KCNMA1: variants seen among roughly 807,000 people sequenced by gnomAD.
The protein encoded by KCNMA1 is Calcium-activated potassium channel subunit alpha-1.
In KCNMA1, 29 loss-of-function variants were observed where a neutral mutation model predicts 140.0. That is an observed-to-expected ratio of 0.21 (90% CI 0.15 to 0.28). KCNMA1 has a LOEUF of 0.28. Ranked by LOEUF, KCNMA1 falls within the 10% of genes least tolerant of loss-of-function variation. The pLI, the probability that KCNMA1 is intolerant of heterozygous loss-of-function variation, is 1.00. For missense variants in KCNMA1, 880 were observed against 1,602.2 expected, an observed-to-expected ratio of 0.55 and a Z score of 7.70; for synonymous variants, 612 against 611.9, an observed-to-expected ratio of 1.00 and a Z score of 0.00.
intron 3 of KCNMA1, among the ~76,000 whole-genome samples, chr10:77,203,001 G>T (rs2042935652): frequency 2.0e-5 from 3 of 152,194 alleles, no homozygotes; most frequent in Admixed American, 1.3e-4. Context: ...TATCCAGGAA[G>T]AGCCAATTCA....
At chr10:77,221,473 C>A (rs2049647748) in intron 3 of KCNMA1, among the ~76,000 whole-genome samples, 1 of 152,008 alleles carries the variant, frequency 6.6e-6, no homozygotes, top group Non-Finnish European at 1.5e-5. Context: ...TTTGATAGCA[C>A]AAGAGGGTGA....
intron 5 of KCNMA1, chr10:77,150,177 T>C (rs542946448): frequency 6.6e-6 from 1 of 152,348 alleles, no homozygotes; most frequent in Non-Finnish European, 1.5e-5. Context: ...CTCGCATTGT[T>C]GCTTATGCTG....
intron 25 of KCNMA1, among the ~76,000 whole-genome samples, chr10:76,907,625 A>C (rs999446541): frequency 8.6e-5 from 13 of 151,624 alleles, no homozygotes; most frequent in African/African-American, 3.2e-4. Flanking sequence ...AGCAACCTCC[A>C]CCTCCCAGGC....
At chr10:77,159,354 T>C (rs746982331) in intron 5 of KCNMA1, among the ~76,000 whole-genome samples, 4 of 152,176 alleles carry the variant, frequency 2.6e-5, no homozygotes, top group Non-Finnish European at 5.9e-5. Context: ...ATTTTTTTGT[T>C]AAATTACTAG....
At chr10:77,238,663 T>C (rs2056377468) in intron 3 of KCNMA1, among the ~76,000 whole-genome samples, 2 of 152,216 alleles carry the variant, frequency 1.3e-5, no homozygotes, top group Non-Finnish European at 2.9e-5. Context: ...TTGTATGTCA[T>C]GCAGGGAAAA....
chr10:76,913,371 T>C (rs2051179736), intron 24 of KCNMA1: 1 of 152,186 alleles, frequency 6.6e-6, no homozygotes, highest in Admixed American at 6.6e-5. Flanking sequence ...CCATTGTGAA[T>C]CTCCCAGAGA....
chr10:76,932,242 A>AT (rs1026521325), intron 23 of KCNMA1, among the ~76,000 whole-genome samples: 1 of 152,052 alleles, frequency 6.6e-6, no homozygotes, highest in Non-Finnish European at 1.5e-5. Flanking sequence ...GATTATCACC[A>AT]TTTTTTTCAG....
rs372371552 is a variant in KCNMA1 at position 76,949,377 on chromosome 10, G to T, written c.2485-11C>A. ...AGCTTCACTTCGAGTCTACAACAGG[G>T]AGAAGTGGGTAAGAGTCAGAGAGAA... is the stretch of plus-strand genomic sequence containing the variant. On this transcript the variant is annotated splice_polypyrimidine_tract_variant and intron_variant, in intron 21 of 27. Transcript: ENST00000286628. 6.2e-7 allele frequency: 1 copy of T among 1,608,038 alleles called. No individual in the cohort carries two copies. The highest frequency in any genetic ancestry group is 8.5e-7 in the Non-Finnish European group (1 of 1,175,164).
At chr10:77,286,602 G>A (rs1222309332) in intron 2 of KCNMA1, among the ~76,000 whole-genome samples, 1 of 152,184 alleles carries the variant, frequency 6.6e-6, no homozygotes, top group Non-Finnish European at 1.5e-5. Context: ...TCCCATGGAA[G>A]GAGGCTCCCA....
At chr10:77,574,172 T>C (rs2073093874) in intron 1 of KCNMA1, among the ~76,000 whole-genome samples, 1 of 152,108 alleles carries the variant, frequency 6.6e-6, no homozygotes, top group Non-Finnish European at 1.5e-5. Flanking sequence ...GAAAAGATTA[T>C]GTCAAGCTGC....
chr10:76,915,130 C>G (rs2052245555), intron 23 of KCNMA1, 81 bp from the exon 24 acceptor site: 1 of 914,506 alleles, frequency 1.1e-6, no homozygotes. Context: ...TATATACATA[C>G]AACCCCAAAA....
chr10:77,043,618 T>C (rs1341737238), intron 14 of KCNMA1, among the ~76,000 whole-genome samples: 3 of 152,200 alleles, frequency 2.0e-5, no homozygotes, highest in Non-Finnish European at 2.9e-5. Flanking sequence ...GATGACTAGA[T>C]AAACAAAGTG....
At chr10:77,322,921 T>C (rs71475649) in intron 2 of KCNMA1, among the ~76,000 whole-genome samples, 3,317 of 152,266 alleles carry the variant, frequency 0.022, 57 homozygotes, top group Middle Eastern at 0.041. Context: ...CCACCAACAC[T>C]AGGATTTCAC....
At chr10:76,947,600 G>C (rs1388839486) in intron 22 of KCNMA1, among the ~76,000 whole-genome samples, 1 of 152,300 alleles carries the variant, frequency 6.6e-6, no homozygotes, top group Non-Finnish European at 1.5e-5. Context: ...CCATATTTCT[G>C]GAATGAGCAA....
chr10:77,349,227 A>G (rs913538874), intron 2 of KCNMA1, among the ~76,000 whole-genome samples: 2 of 152,168 alleles, frequency 1.3e-5, no homozygotes, highest in Non-Finnish European at 2.9e-5. Context: ...CTTATAAAAG[A>G]GCCTCCAGAG....
rs1383015253 is a variant in KCNMA1 at position 77,506,725 on chromosome 10, A to AGT, written c.379-102704_379-102703dup. ...GATGTTCCGAGAGAGAGAGAGAGAG[A>AGT]GTGTGTGTGTGTGTGTTTGTTAGAG... is the stretch of plus-strand genomic sequence containing the variant. On this transcript the variant is annotated intron_variant, in intron 1 of 27. Transcript: ENST00000286628. 7.2e-4 allele frequency among the ~76,000 whole-genome samples: 96 copies of AGT among 133,676 alleles called. No homozygotes were observed. The South Asian group carries it at 0.011, about 15-fold the overall frequency. The allele number at this position is 133,676 out of a possible 152,430, so 87.7% of individuals were successfully genotyped here.
Position 77,269,555 on chromosome 10 carries a change from T to C in KCNMA1, c.541-18299A>G, listed in dbSNP as rs374504812. On this transcript the variant is annotated intron_variant, in intron 2 of 27. Transcript: ENST00000286628. ...CCCAGAGCAATTACATCAGCATCTCTGTGGGGAAGACCAGGTATCAGTATT... is the reference window on the plus strand; with the variant it reads ...CCCAGAGCAATTACATCAGCATCTCCGTGGGGAAGACCAGGTATCAGTATT... Among the ~76,000 whole-genome samples, 11 of 152,314 alleles carry C rather than the reference T, an allele frequency of 7.2e-5. No homozygotes were observed. In the South Asian group the frequency reaches 1.5e-3, roughly 20 times the overall value.
intron 1 of KCNMA1, among the ~76,000 whole-genome samples, chr10:77,537,897 T>TGG (rs1366299782): frequency 6.6e-6 from 1 of 152,084 alleles, no homozygotes; most frequent in East Asian, 1.9e-4. Context: ...AGGAATGGAA[T>TGG]GGGCTTCCAC....
intron 2 of KCNMA1, chr10:77,373,595 G>C (rs1438334222): frequency 6.6e-6 from 1 of 152,178 alleles, no homozygotes; most frequent in African/African-American, 2.4e-5. Context: ...GGTTAGGAAA[G>C]CTGAAACAGT....
Sources: allele counts gnomAD v4.1 joint callset (sites outside exome capture counted in the v4.1 genomes callset), GRCh38; gene constraint gnomAD v4.1.1; transcripts MANE v1.5; gene names NCBI Gene and HGNC (gene_info 2026-07-23, HGNC 2026-07-21).